The following ANO2 variants were observed in gnomAD, a reference collection of about 807,000 sequenced individuals.
The protein encoded by ANO2 is anoctamin-2.
In ANO2, 101 loss-of-function variants were observed where a neutral mutation model predicts 124.2. That is an observed-to-expected ratio of 0.81 (90% confidence interval 0.69 to 0.96). The LOEUF (loss-of-function observed/expected upper bound fraction) is 0.96. Ranked by LOEUF, ANO2 falls within the 40% of genes least tolerant of loss-of-function variation. The probability of loss-of-function intolerance (pLI) is 0.00; values close to 1 mark genes in which losing one functional copy is unlikely to be tolerated. For synonymous variants in ANO2, 486 were observed against 482.5 expected (o/e 1.01, Z -0.09); for missense variants, 1,293 against 1,274.5 (o/e 1.01, Z -0.22).
At chr12:5,942,676 C>T (rs1178749820) in intron 1 of ANO2, among the ~76,000 whole-genome samples, 2 of 152,208 alleles carry the variant, frequency 1.3e-5, no homozygotes, top group African/African-American at 4.8e-5. Flanking sequence ...GTTCTTTTGC[C>T]TTTACTTCCT....
intron 14 of ANO2, among the ~76,000 whole-genome samples, chr12:5,683,522 G>A (rs1948586515): frequency 6.6e-6 from 1 of 152,104 alleles, no homozygotes; most frequent in Admixed American, 6.5e-5. Flanking sequence ...GAGGGCCATG[G>A]AGTCATCTCT....
chr12:5,706,984 A>C (rs1338142095), intron 14 of ANO2, among the ~76,000 whole-genome samples: 1 of 152,184 alleles, frequency 6.6e-6, no homozygotes, highest in Admixed American at 6.5e-5. Context: ...CCTTGGGACA[A>C]TGACATCACT....
intron 14 of ANO2, among the ~76,000 whole-genome samples, chr12:5,725,272 A>T (rs1950393245): frequency 6.6e-6 from 1 of 152,128 alleles, no homozygotes; most frequent in African/African-American, 2.4e-5. Flanking sequence ...AAAACTGACC[A>T]TTGGTGTATT....
intron 3 of ANO2, among the ~76,000 whole-genome samples, chr12:5,915,330 G>C (rs1379533059): frequency 6.6e-6 from 1 of 152,134 alleles, no homozygotes; most frequent in East Asian, 1.9e-4. Flanking sequence ...TATGAACATG[G>C]ACAATATCAA....
chr12:5,805,820 G>A (rs1239018789), intron 9 of ANO2, among the ~76,000 whole-genome samples: 1 of 152,182 alleles, frequency 6.6e-6, no homozygotes, highest in African/African-American at 2.4e-5. Flanking sequence ...TGTGTGGAGG[G>A]CCATTGGATA....
intron 11 of ANO2, among the ~76,000 whole-genome samples, chr12:5,745,487 C>G (rs921262703): frequency 2.2e-4 from 33 of 152,176 alleles, no homozygotes; most frequent in Non-Finnish European, 1.2e-4. Context: ...CAAGTGGGAG[C>G]CACTGCTAGG....
chr12:5,935,983 AT>A lies in ANO2; in HGVS notation c.22+9212del, dbSNP rs761576782. Among the ~76,000 whole-genome samples, 10 of 152,366 alleles carry A rather than the reference AT, an allele frequency of 6.6e-5. No homozygotes were observed. The East Asian group carries it at 1.9e-3, about 29-fold the overall frequency. On this transcript the variant is annotated intron_variant, in intron 1 of 24. Transcript: ENST00000682330. ...ATTTGGGTGGATTTACATTTCCCTA[AT>A]GACCAATAATGTTGAACATCTTTTT... is the stretch of plus-strand genomic sequence containing the variant.
intron 20 of ANO2, among the ~76,000 whole-genome samples, chr12:5,583,134 C>G (rs1942848432): frequency 6.6e-6 from 1 of 152,204 alleles, no homozygotes; most frequent in Non-Finnish European, 1.5e-5. Flanking sequence ...ACCTTATTTT[C>G]ACCAGTTGTG....
At chr12:5,824,889 A>G (rs1953909575) in intron 7 of ANO2, among the ~76,000 whole-genome samples, 4 of 151,584 alleles carry the variant, frequency 2.6e-5, no homozygotes, top group Admixed American at 2.6e-4. Flanking sequence ...GGAAGAAGCA[A>G]AAGTGGAAAC....
intron 10 of ANO2, among the ~76,000 whole-genome samples, chr12:5,766,727 G>A (rs1459478746): frequency 6.6e-6 from 1 of 152,124 alleles, no homozygotes; most frequent in Non-Finnish European, 1.5e-5. Flanking sequence ...CACATAATAC[G>A]CACACCAGCA....
intron 23 of ANO2, among the ~76,000 whole-genome samples, chr12:5,572,067 C>G (rs576014658): frequency 1.3e-5 from 2 of 152,306 alleles, no homozygotes; most frequent in Admixed American, 1.3e-4. Flanking sequence ...ACACTGTAGG[C>G]AGAGATGTAA....
chr12:5,821,671 G>A (rs1953803614), intron 7 of ANO2, among the ~76,000 whole-genome samples: 1 of 152,156 alleles, frequency 6.6e-6, no homozygotes, highest in Non-Finnish European at 1.5e-5. Context: ...GACAGCTCTT[G>A]GCCTGTTACA....
chr12:5,855,015 G>T (rs1955056991), intron 3 of ANO2, among the ~76,000 whole-genome samples: 1 of 148,532 alleles, frequency 6.7e-6, no homozygotes, highest in South Asian at 2.1e-4. Flanking sequence ...TGTCACTAAA[G>T]AACTAAAGAG....
At chr12:5,588,624 A>G (rs1943241017) in intron 20 of ANO2, among the ~76,000 whole-genome samples, 2 of 152,192 alleles carry the variant, frequency 1.3e-5, no homozygotes, top group African/African-American at 4.8e-5. Context: ...AAGACACTCA[A>G]TGAAAAATGA....
At chr12:5,620,797 A>C (rs1328960472) in intron 16 of ANO2, among the ~76,000 whole-genome samples, 1 of 151,470 alleles carries the variant, frequency 6.6e-6, no homozygotes, top group Non-Finnish European at 1.5e-5. Context: ...CTGCTTCACC[A>C]AATAATCATC....
chr12:5,860,639 A>C (rs960231976), intron 3 of ANO2, among the ~76,000 whole-genome samples: 3 of 152,186 alleles, frequency 2.0e-5, no homozygotes, highest in African/African-American at 7.2e-5. Context: ...AATTACCCTT[A>C]AGTGTCATTC....
chr12:5,801,901 C>G (rs1953052624), intron 9 of ANO2, among the ~76,000 whole-genome samples: 1 of 152,180 alleles, frequency 6.6e-6, no homozygotes, highest in Non-Finnish European at 1.5e-5. Flanking sequence ...AGTGCAAACC[C>G]TGGGCTCTCC....
rs190004247 is a variant in ANO2 at position 5,764,671 on chromosome 12, C to A, written c.1056-13701G>T. Among the ~76,000 whole-genome samples the A allele has an allele frequency of 2.0e-5, 3 of 152,322 alleles. No individual in the cohort carries two copies. The East Asian group carries it at 5.8e-4, about 29-fold the overall frequency. On this transcript the variant is annotated intron_variant, in intron 10 of 24. Transcript: ENST00000682330. ...GGCTACCCATCCATTACCAACACCACCACTGCCATCACCATTCGCCCCCAG... is the reference window on the plus strand; with the variant it reads ...GGCTACCCATCCATTACCAACACCAACACTGCCATCACCATTCGCCCCCAG...
chr12:5,740,385 A>G (rs1951049637), intron 12 of ANO2: 1 of 168,438 alleles, frequency 5.9e-6, no homozygotes, highest in Non-Finnish European at 1.3e-5. Flanking sequence ...CTTAAAATAA[A>G]TCTCTTGTTA....
Sources: allele counts gnomAD v4.1 joint callset (sites outside exome capture counted in the v4.1 genomes callset), GRCh38; gene constraint gnomAD v4.1.1; transcripts MANE v1.5; gene names NCBI Gene and HGNC (gene_info 2026-07-23, HGNC 2026-07-21).